SHTN1: variants seen among roughly 807,000 people sequenced by gnomAD.
SHTN1 encodes the protein shootin 1, also known as shootin-1.
Under a neutral mutation model 83.1 loss-of-function variants are expected in SHTN1, and 42 were observed. The ratio of observed to expected loss-of-function variants is 0.51; its 90% CI spans 0.39 to 0.65. The LOEUF (loss-of-function observed/expected upper bound fraction) is 0.65. Among genes scored for constraint, SHTN1 ranks in the 30% least tolerant of loss-of-function variants. The pLI is 0.00. For missense variants in SHTN1, 622 were observed against 737.8 expected (o/e 0.84, Z 1.82); for synonymous variants, 224 against 247.7 (o/e 0.90, Z 0.90).
chr10:117,043,834 C>A (rs570919605), intron 2 of SHTN1, among the ~76,000 whole-genome samples: 2 of 151,794 alleles, frequency 1.3e-5, no homozygotes, highest in African/African-American at 4.8e-5. Context: ...AGAGCAAGAC[C>A]CTGTCTCAAT....
At chr10:116,974,755 C>A (rs188124824) in intron 2 of SHTN1, among the ~76,000 whole-genome samples, 2 of 152,048 alleles carry the variant, frequency 1.3e-5, no homozygotes, top group Admixed American at 6.6e-5. Flanking sequence ...TACGCACACT[C>A]CACACACACC....
Position 116,884,426 on chromosome 10 carries a change from G to A in SHTN1, c.*1918C>T, listed in dbSNP as rs1295535742. The A allele has an allele frequency of 2.8e-6, 1 of 356,924 alleles. No homozygotes were observed. Among genetic ancestry groups the A allele is most frequent in the Non-Finnish European group, 5.7e-6 (1 of 176,380 alleles). The allele number at this position is 356,924 out of a possible 1,614,324, so 22.1% of individuals were successfully genotyped here. Reference sequence around the variant, plus strand: ...GAAAGTAAGCAGCTTAAAAAAGGCAGGAATACTTTCAAAATACCTGTTACT... The same window carrying A: ...GAAAGTAAGCAGCTTAAAAAAGGCAAGAATACTTTCAAAATACCTGTTACT... On this transcript the variant is annotated 3_prime_UTR_variant, in exon 17 of 17. Coordinates refer to ENST00000355371, the MANE Select transcript of SHTN1 (RefSeq NM_001127211.3).
intron 16 of SHTN1, among the ~76,000 whole-genome samples, chr10:116,898,241 T>A (rs1847591671): frequency 6.6e-6 from 1 of 151,792 alleles, no homozygotes; most frequent in Non-Finnish European, 1.5e-5. Flanking sequence ...GGCAAGAGAA[T>A]CGCTTGAACT....
chr10:117,047,697 G>A (rs1458958186), intron 2 of SHTN1, among the ~76,000 whole-genome samples: 1 of 151,432 alleles, frequency 6.6e-6, no homozygotes, highest in African/African-American at 2.4e-5. Context: ...ATAGTTTGCA[G>A]GAGGTATGCA....
intron 1 of SHTN1, among the ~76,000 whole-genome samples, chr10:117,071,332 ACTCT>A (rs3032990): frequency 0.68 from 103,718 of 151,498 alleles, 37,795 homozygotes; most frequent in Middle Eastern, 0.85. Flanking sequence ...AGCAGGAAAT[ACTCT>A]CTGTTTTCTG....
At chr10:116,994,535 G>C (rs538987571) in intron 1 of SHTN1, among the ~76,000 whole-genome samples, 1 of 152,030 alleles carries the variant, frequency 6.6e-6, no homozygotes, top group Admixed American at 6.6e-5. Context: ...GAGGGAAGGG[G>C]AAGGGGAGAT....
At chr10:116,998,776 C>A (rs776402211) in intron 1 of SHTN1, among the ~76,000 whole-genome samples, 7 of 152,108 alleles carry the variant, frequency 4.6e-5, no homozygotes, top group Non-Finnish European at 1.0e-4. Context: ...TTAGCCATTT[C>A]TCCTAGGAAC....
chr10:117,119,178 AT>A (rs1318690704), intron 1 of SHTN1, among the ~76,000 whole-genome samples: 1 of 152,164 alleles, frequency 6.6e-6, no homozygotes, highest in Non-Finnish European at 1.5e-5. Flanking sequence ...GTTAAGAAGG[AT>A]AGGGGGAGGG....
At chr10:117,064,629 C>T (rs535362930) in intron 1 of SHTN1, among the ~76,000 whole-genome samples, 4 of 146,432 alleles carry the variant, frequency 2.7e-5, no homozygotes, top group South Asian at 4.4e-4. Flanking sequence ...CATTCCAGTC[C>T]GGGCAACAGT....
intron 3 of SHTN1, among the ~76,000 whole-genome samples, chr10:116,963,805 T>TA (rs1454034505): frequency 6.6e-6 from 1 of 152,086 alleles, no homozygotes; most frequent in East Asian, 1.9e-4. Flanking sequence ...TTTTTCATAG[T>TA]AAAAAAATTT....
At chr10:117,060,800 A>G (rs781236524) in intron 1 of SHTN1, among the ~76,000 whole-genome samples, 16 of 152,222 alleles carry the variant, frequency 1.1e-4, no homozygotes, top group Non-Finnish European at 2.2e-4. Flanking sequence ...AATTAATGTT[A>G]CAGAAAACTT....
At chr10:117,089,188 A>T (rs1853392922) in intron 1 of SHTN1, among the ~76,000 whole-genome samples, 1 of 152,176 alleles carries the variant, frequency 6.6e-6, no homozygotes, top group African/African-American at 2.4e-5. Context: ...AATGGGCACA[A>T]GGGAATTTTG....
Position 116,944,906 on chromosome 10 carries a change from T to C in SHTN1, c.711+18A>G, listed in dbSNP as rs1849520177. 1 of 1,543,196 alleles carries C rather than the reference T, an allele frequency of 6.5e-7. No individual in the cohort carries two copies. Among genetic ancestry groups the C allele is most frequent in the Non-Finnish European group, 9.0e-7 (1 of 1,116,292 alleles). On this transcript the variant is annotated intron_variant, in intron 8 of 16. Transcript: ENST00000355371. ...CTCTGTCTCAAGAAAAAAAATAAGATTTTTACAAGATACCCACCTCTTGTG... is the reference window on the plus strand; with the variant it reads ...CTCTGTCTCAAGAAAAAAAATAAGACTTTTACAAGATACCCACCTCTTGTG...
intron 4 of SHTN1, among the ~76,000 whole-genome samples, chr10:116,954,545 ATCT>A (rs1399931753): frequency 6.6e-6 from 1 of 152,174 alleles, no homozygotes; most frequent in Non-Finnish European, 1.5e-5. Flanking sequence ...TTTCAAGCAA[ATCT>A]TCTGCGTGCT....
At chr10:116,916,676 C>T (rs1425664783) in intron 12 of SHTN1, among the ~76,000 whole-genome samples, 2 of 152,188 alleles carry the variant, frequency 1.3e-5, no homozygotes, top group East Asian at 1.9e-4. Flanking sequence ...TTTTCTGCTA[C>T]AAGGCTAGAC....
intron 1 of SHTN1, among the ~76,000 whole-genome samples, chr10:117,075,396 A>C (rs1853137689): frequency 6.6e-6 from 1 of 152,164 alleles, no homozygotes; most frequent in Non-Finnish European, 1.5e-5. Flanking sequence ...AAATCACAAG[A>C]TCCTTCATTC....
chr10:116,946,804 G>A (rs771394506), intron 7 of SHTN1, among the ~76,000 whole-genome samples: 11 of 151,266 alleles, frequency 7.3e-5, no homozygotes, highest in Non-Finnish European at 1.3e-4. Flanking sequence ...TGCAACCTCC[G>A]CCTCCTAGGT....
chr10:117,055,438 G>A (rs1034242356), intron 1 of SHTN1, among the ~76,000 whole-genome samples: 2 of 152,206 alleles, frequency 1.3e-5, no homozygotes, highest in African/African-American at 4.8e-5. Context: ...GGGTTGAAGA[G>A]GAAGGGGAAA....
At chr10:116,964,291 G>A (rs1032851406) in intron 3 of SHTN1, among the ~76,000 whole-genome samples, 5 of 152,108 alleles carry the variant, frequency 3.3e-5, no homozygotes, top group South Asian at 2.1e-4. Context: ...ATCCTATAAC[G>A]TAGGGATCAT....
Sources: gnomAD v4.1 joint callset for allele counts (sites outside exome capture counted in the v4.1 genomes callset) on GRCh38, gnomAD v4.1.1 for gene constraint, MANE v1.5 for transcripts, NCBI Gene and HGNC (gene_info 2026-07-23, HGNC 2026-07-21) for gene names.